ZSCAN25: variants seen among roughly 807,000 people sequenced by gnomAD.
The protein encoded by ZSCAN25 is zinc finger and SCAN domain containing 25.
Under a neutral mutation model 38.7 loss-of-function variants are expected in ZSCAN25, and 27 were observed. The ratio of observed to expected loss-of-function variants is 0.70; its 90% CI spans 0.51 to 0.96. The LOEUF is 0.96. Ranked by LOEUF, ZSCAN25 falls within the 40% of genes least tolerant of loss-of-function variation. The probability of loss-of-function intolerance (pLI) is 0.00; values close to 1 mark genes in which losing one functional copy is unlikely to be tolerated. For missense variants in ZSCAN25, 637 were observed against 705.9 expected (o/e 0.90, Z 1.11); for synonymous variants, 273 against 277.7 (o/e 0.98, Z 0.17).
chr7:99,622,171 C>T lies in ZSCAN25; in HGVS notation c.590-378C>T, dbSNP rs542056604. On this transcript the variant is annotated intron_variant, in intron 5 of 7. Transcript: ENST00000394152. ...CGATCTCCTGACCTCGTGATCTGTC[C>T]ACCTCAGCCTCCCAAAGTGCTGGGA... 4 of 256,500 alleles carry T rather than the reference C, an allele frequency of 1.6e-5. No individual in the cohort carries two copies. The East Asian group carries it at 5.4e-4, about 35-fold the overall frequency. 15.9% of individuals were successfully genotyped at this position (256,500 alleles called of 1,614,324 possible).
the ZSCAN25 span, among the ~76,000 whole-genome samples, chr7:99,667,252 C>T: frequency 6.1e-3 from 150 of 24,394 alleles, no homozygotes; most frequent in Non-Finnish European, 8.1e-3. Context: ...GTATGTGGGG[C>T]GGGGGTGGGA....
chr7:99,730,254 A>G, the ZSCAN25 span, among the ~76,000 whole-genome samples: 1 of 152,216 alleles, frequency 6.6e-6, no homozygotes, highest in Non-Finnish European at 1.5e-5. Flanking sequence ...TTGTCAAATC[A>G]TCCCCTTTCT....
At chr7:99,624,674 GC>G (rs1807310941) in intron 7 of ZSCAN25, among the ~76,000 whole-genome samples, 2 of 152,192 alleles carry the variant, frequency 1.3e-5, no homozygotes, top group African/African-American at 4.8e-5. Context: ...GGTTGGAGTG[GC>G]CCGAGTCACA....
At chr7:99,717,491 TAA>T in the ZSCAN25 span, 7 of 1,611,818 alleles carry the variant, frequency 4.3e-6, no homozygotes, top group Non-Finnish European at 4.2e-6. Context: ...ATTCATTCTT[TAA>T]GTTTCTAATT....
chr7:99,678,762 A>T, the ZSCAN25 span, among the ~76,000 whole-genome samples: 1 of 152,228 alleles, frequency 6.6e-6, no homozygotes, highest in Admixed American at 6.5e-5. Context: ...CTGAATTCCT[A>T]AGCTTTCTGT....
the ZSCAN25 span, chr7:99,720,304 G>A: frequency 1.9e-6 from 3 of 1,611,786 alleles, no homozygotes; most frequent in Non-Finnish European, 2.5e-6. Context: ...TCAAAAAATG[G>A]ATGCTTACCC....
the ZSCAN25 span, chr7:99,709,372 G>A: frequency 8.2e-6 from 12 of 1,466,440 alleles, no homozygotes; most frequent in South Asian, 1.2e-4. Context: ...ACTCATACTG[G>A]CAAAGGATTG....
chr7:99,723,700 A>G, the ZSCAN25 span, among the ~76,000 whole-genome samples: 1 of 152,136 alleles, frequency 6.6e-6, no homozygotes, highest in African/African-American at 2.4e-5. Context: ...TCATCTCACC[A>G]ATTTTAAATC....
the ZSCAN25 span, chr7:99,705,154 TATTAATG>T: frequency 5.1e-5 from 13 of 252,604 alleles, no homozygotes; most frequent in East Asian, 1.2e-3. Context: ...TTCCTATTTT[TATTAATG>T]ATTGTGGTTG....
At chr7:99,625,087 C>T (rs1364265866) in intron 7 of ZSCAN25, among the ~76,000 whole-genome samples, 11 of 152,166 alleles carry the variant, frequency 7.2e-5, no homozygotes, top group African/African-American at 1.7e-4. Flanking sequence ...TCCTTCAGGA[C>T]GTAAGAGAAT....
chr7:99,624,932 G>A lies in ZSCAN25; in HGVS notation c.805+752G>A, dbSNP rs571195224. 3.3e-5 allele frequency among the ~76,000 whole-genome samples: 5 copies of A among 152,266 alleles called. No homozygotes were observed. In the South Asian group the frequency reaches 8.3e-4, roughly 25 times the overall value. ...GGAGAGGAAACACTGTGGCTGGAGC[G>A]GCCTGTCCTTGTTCTTTGATTTTCT... On this transcript the variant is annotated intron_variant, in intron 7 of 7. Coordinates refer to ENST00000394152, the MANE Select transcript of ZSCAN25 (RefSeq NM_145115.3).
the ZSCAN25 span, chr7:99,658,849 T>A: frequency 6.6e-6 from 1 of 152,266 alleles, no homozygotes; most frequent in Non-Finnish European, 1.5e-5. Context: ...CCATCACTGA[T>A]ACCCTTTCTT....
At chr7:99,715,758 T>C in the ZSCAN25 span, 1 of 1,613,746 alleles carries the variant, frequency 6.2e-7, no homozygotes, top group Non-Finnish European at 8.5e-7. Flanking sequence ...GTCCACATAC[T>C]TATTGAGAGA....
At chr7:99,653,091 C>T in the ZSCAN25 span, among the ~76,000 whole-genome samples, 1 of 152,114 alleles carries the variant, frequency 6.6e-6, no homozygotes, top group Admixed American at 6.5e-5. The surrounding 1 kb of genome is among the most constrained non-coding windows in gnomAD (Gnocchi z 4.2). Flanking sequence ...GGGCTATGAC[C>T]ATTACCACCA....
chr7:99,674,687 G>T, the ZSCAN25 span: 2 of 892,148 alleles, frequency 2.2e-6, no homozygotes, highest in Non-Finnish European at 3.5e-6. Flanking sequence ...AATCAGGCCT[G>T]CTATCTTTCA....
the ZSCAN25 span, among the ~76,000 whole-genome samples, chr7:99,725,334 C>A: frequency 6.6e-6 from 1 of 152,192 alleles, no homozygotes; most frequent in African/African-American, 2.4e-5. Context: ...AGGCCTCAAA[C>A]CCCACAACAG....
At chr7:99,700,851 G>T in the ZSCAN25 span, among the ~76,000 whole-genome samples, 1 of 152,194 alleles carries the variant, frequency 6.6e-6, no homozygotes, top group African/African-American at 2.4e-5. Flanking sequence ...TAGACTAATG[G>T]TTGCTTGGGG....
the ZSCAN25 span, chr7:99,660,595 G>C: frequency 1.1e-5 from 17 of 1,613,992 alleles, no homozygotes; most frequent in Non-Finnish European, 1.4e-5. Context: ...GAACACTGCT[G>C]GTGGTTTCAT....
Position 99,631,955 on chromosome 7 carries a change from G to T in ZSCAN25, c.*1935G>T. 1.0e-6 allele frequency: 1 copy of T among 985,502 alleles called. No individual in the cohort carries two copies. Among genetic ancestry groups the T allele is most frequent in the Non-Finnish European group, 1.2e-6 (1 of 829,986 alleles). 61.0% of individuals were successfully genotyped at this position (985,502 alleles called of 1,614,324 possible). On this transcript the variant is annotated 3_prime_UTR_variant, in exon 8 of 8. Coordinates refer to ENST00000394152, the MANE Select transcript of ZSCAN25 (RefSeq NM_145115.3). ...GCTGACAGCCAGGCAGACTCAGTGG[G>T]AGGCTTCTGGCCTGAGTGTGGCCTT...
Sources: gnomAD v4.1 joint callset for allele counts (sites outside exome capture counted in the v4.1 genomes callset) on GRCh38, gnomAD v4.1.1 for gene constraint, Gnocchi (gnomAD v3.1) non-coding constraint, MANE v1.5 for transcripts, NCBI Gene and HGNC (gene_info 2026-07-23, HGNC 2026-07-21) for gene names.